TRAPPC4: variants seen among roughly 807,000 people sequenced by gnomAD.
The protein encoded by TRAPPC4 is TRS23 homolog.
TRAPPC4 carries 30 observed loss-of-function variants against 23.5 expected under a neutral mutation model. The observed-to-expected ratio is 1.28, with a 90% confidence interval of 0.96 to 1.73. TRAPPC4 has a LOEUF of 1.73. Among genes scored for constraint, TRAPPC4 ranks in the 40% most tolerant of loss-of-function variants. TRAPPC4 has a pLI of 0.00. For synonymous variants in TRAPPC4, 129 were observed against 105.3 expected, an observed-to-expected ratio of 1.23 and a Z score of -1.38; for missense variants, 252 against 268.9, an observed-to-expected ratio of 0.94 and a Z score of 0.44.
chr11:119,021,595 C>G (rs1411072021), intron 3 of TRAPPC4, 165 bp from the exon 4 acceptor site: 3 of 691,788 alleles, frequency 4.3e-6, no homozygotes, highest in South Asian at 2.0e-5. Flanking sequence ...CTGGTCTCAT[C>G]GGTAGATTCA....
intron 3 of TRAPPC4, chr11:119,021,362 TTAAG>T (rs1473961188): frequency 5.1e-5 from 9 of 175,276 alleles, no homozygotes; most frequent in Non-Finnish European, 1.1e-4. Context: ...TTGGAAGGTG[TTAAG>T]TGTTTTTCCA....
intron 4 of TRAPPC4, 109 bp from the exon 5 acceptor site, chr11:119,023,212 A>AC: frequency 9.9e-7 from 1 of 1,014,590 alleles, no homozygotes; most frequent in Admixed American, 1.8e-5. Flanking sequence ...TGATCCGCCC[A>AC]CCTCAGCCTT....
In TRAPPC4 at chr11:119,021,688, C is replaced by T. The variant is rs980295022; in HGVS notation, c.455-72C>T. The T allele has an allele frequency of 1.6e-5, 24 of 1,540,920 alleles. No individual in the cohort carries two copies. The South Asian group carries it at 2.4e-4, about 15-fold the overall frequency. On this transcript the variant is annotated intron_variant, in intron 3 of 4. Coordinates refer to ENST00000533632, the MANE Select transcript of TRAPPC4 (RefSeq NM_016146.6). Reference sequence around the variant, plus strand: ...AAAGTGTTTTGCAAAATTGAAAGTGCTGTACAAATACAGGATGACACTATT... The same window carrying T: ...AAAGTGTTTTGCAAAATTGAAAGTGTTGTACAAATACAGGATGACACTATT...
chr11:119,018,890 TC>T lies in TRAPPC4; in HGVS notation c.96del (p.Phe32LeufsTer40). The T allele has an allele frequency of 6.2e-7, 1 of 1,614,150 alleles. No individual in the cohort carries two copies. Among genetic ancestry groups the T allele is most frequent in the Non-Finnish European group, 8.5e-7 (1 of 1,180,028 alleles). ...YAPRAEAEKTFSYPLDLLLKL... is the reference protein window; with the variant it reads ...YAPRAEAEKTXSYPLDLLLKL... ...CCACGGGCTGAGGCTGAGAAAACTT[TC>T]AGTTATCCGCTGGATCTGCTGCTCA... On this transcript the variant is annotated frameshift_variant, in exon 1 of 5. Coordinates refer to ENST00000533632, the MANE Select transcript of TRAPPC4 (RefSeq NM_016146.6). LOFTEE classifies it high-confidence loss of function.
intron 1 of TRAPPC4, 58 bp from the exon 2 acceptor site, chr11:119,019,085 T>C (rs954535847): frequency 9.4e-6 from 15 of 1,597,000 alleles, no homozygotes; most frequent in African/African-American, 1.3e-5. Context: ...GGGTCCCTTG[T>C]CCCCTCGGCG....
chr11:119,023,588 A>T lies in TRAPPC4; in HGVS notation c.*189A>T. On this transcript the variant is annotated 3_prime_UTR_variant, in exon 5 of 5. Coordinates refer to ENST00000533632, the MANE Select transcript of TRAPPC4 (RefSeq NM_016146.6). ...TTCCTTCTGTATATACCATGGTCTT[A>T]CTTTCCAACTCTGTACAGATTTATT... 1 of 523,880 alleles carries T rather than the reference A, an allele frequency of 1.9e-6. No homozygotes were observed. Among genetic ancestry groups the T allele is most frequent in the Non-Finnish European group, 3.5e-6 (1 of 287,638 alleles). 32.5% of individuals were successfully genotyped at this position (523,880 alleles called of 1,614,324 possible).
At position 119,023,343 on chromosome 11, in the gene TRAPPC4, C is replaced by G; in HGVS notation, c.604C>G (p.Leu202Val). The G allele has an allele frequency of 1.2e-6, 2 of 1,614,126 alleles. No homozygotes were observed. Among genetic ancestry groups the G allele is most frequent in the Non-Finnish European group, 1.7e-6 (2 of 1,179,998 alleles). ...PIRCELFDQN[L>V]KLALEVAEKA... ...TAGGTGTGAGCTCTTTGACCAGAACCTGAAGCTAGCTCTGGAGGTGGCAGA... is the reference window on the plus strand; with the variant it reads ...TAGGTGTGAGCTCTTTGACCAGAACGTGAAGCTAGCTCTGGAGGTGGCAGA... Residue 202 changes from leucine to valine, a missense_variant, in exon 5 of 5, where the codon CTG becomes GTG. By Grantham distance (32) the Leu-to-Val change is conservative. Around this residue, in one of 3 missense-constraint regions of TRAPPC4, gnomAD observed 21 missense variants for 24.8 expected, o/e 0.85. Transcript: ENST00000533632.
At position 119,023,088 on chromosome 11, in the gene TRAPPC4, C is replaced by G. The variant is rs181044960; in HGVS notation, c.582-233C>G. ...CAGGCGATTCTTTTGTCTCAGCCTC[C>G]GGAGTAGCTGGGATTACAGGCACCT... is the stretch of plus-strand genomic sequence containing the variant. On this transcript the variant is annotated intron_variant, in intron 4 of 4. Transcript: ENST00000533632. 6.5e-4 allele frequency: 228 copies of G among 351,738 alleles called. 1 individual carries two copies. Among genetic ancestry groups the G allele is most frequent in the Middle Eastern group, 2.6e-3 (3 of 1,160 alleles). 21.8% of individuals were successfully genotyped at this position (351,738 alleles called of 1,614,324 possible).
In TRAPPC4 at chr11:119,020,144, AT is replaced by A; in HGVS notation, c.351-5del. 6.2e-7 allele frequency: 1 copy of A among 1,612,678 alleles called. No homozygotes were observed. Among genetic ancestry groups the A allele is most frequent in the African/African-American group, 1.3e-5 (1 of 75,050 alleles). Reference sequence around the variant, plus strand: ...CTTAGAGCAACTTTGCCTCCTTTGCATATAGGCTCTTTGCCATCGGCTCCCA... The same window carrying A: ...CTTAGAGCAACTTTGCCTCCTTTGCAATAGGCTCTTTGCCATCGGCTCCCA... On this transcript the variant is annotated splice_polypyrimidine_tract_variant and splice_region_variant and intron_variant, in intron 2 of 4. Coordinates refer to ENST00000533632, the MANE Select transcript of TRAPPC4 (RefSeq NM_016146.6).
At chr11:119,022,726 C>T (rs1407328679) in intron 4 of TRAPPC4, among the ~76,000 whole-genome samples, 2 of 152,022 alleles carry the variant, frequency 1.3e-5, no homozygotes, top group African/African-American at 4.8e-5. Context: ...CCCATCTCTG[C>T]TAAAAATACT....
At chr11:119,021,507 CTG>C (rs1186307489) in intron 3 of TRAPPC4, 3 of 337,304 alleles carry the variant, frequency 8.9e-6, no homozygotes, top group Non-Finnish European at 1.6e-5. Flanking sequence ...GACTCCAAAA[CTG>C]TTAGTAAGTG....
chr11:119,023,048 T>A, intron 4 of TRAPPC4: 1 of 206,986 alleles, frequency 4.8e-6, no homozygotes, highest in Non-Finnish European at 9.5e-6. Flanking sequence ...CACCACAACC[T>A]CTGCCTTCCG....
At chr11:119,019,114 T>C in intron 1 of TRAPPC4, 29 bp from the exon 2 acceptor site, 1 of 1,606,522 alleles carries the variant, frequency 6.2e-7, no homozygotes, top group Non-Finnish European at 8.5e-7. Flanking sequence ...GGGCTGCACC[T>C]TCGCTGACCG....
At position 119,019,249 on chromosome 11, in the gene TRAPPC4, G is replaced by T; in HGVS notation, c.282G>T (p.Val94=). The stretch of plus-strand genomic sequence containing the variant: ...TGGGTAACCCTGCTAATTACCCGGT[G>T]TCCATTCGATTTGGCCGGCCCCGCC... ...EYLGNPANYP[V]SIRFGRPRLT... Residue 94 remains valine (V), a synonymous_variant, in exon 2 of 5, where the codon GTG becomes GTT. Transcript: ENST00000533632. 6.2e-7 allele frequency: 1 copy of T among 1,614,184 alleles called. No homozygotes were observed. Among genetic ancestry groups the T allele is most frequent in the South Asian group, 1.1e-5 (1 of 91,088 alleles).
rs781950400 is a variant in TRAPPC4 at position 119,019,257 on chromosome 11, G to C, written c.290G>C (p.Arg97Pro). 6.2e-7 allele frequency: 1 copy of C among 1,614,068 alleles called. No homozygotes were observed. The highest frequency in any genetic ancestry group is 8.5e-7 in the Non-Finnish European group (1 of 1,180,044). Residue 97 changes from arginine (R) to proline (P), a missense_variant, in exon 2 of 5, where the codon CGA becomes CCA. This residue lies in a region of TRAPPC4 where 222 missense variants were observed against 217.8 expected (regional missense o/e 1.02). Transcript: ENST00000533632. ...GNPANYPVSI[R>P]FGRPRLTSNE... is the part of the protein sequence containing the mutation. The stretch of plus-strand genomic sequence containing the variant: ...CCTGCTAATTACCCGGTGTCCATTC[G>C]ATTTGGCCGGCCCCGCCTCACTTCT...
rs782481416 is a variant in TRAPPC4, at chr11:119,023,443, C to G, written c.*44C>G. On this transcript the variant is annotated 3_prime_UTR_variant, in exon 5 of 5. Transcript: ENST00000533632. ...CCCCAAATTCTGAGAGTTCCTGCAA[C>G]AAGAATACTGCTGTTGACACTCCAG... 6.4e-7 allele frequency: 1 copy of G among 1,572,194 alleles called. No homozygotes were observed. Among genetic ancestry groups the G allele is most frequent in the Non-Finnish European group, 8.8e-7 (1 of 1,142,034 alleles).
In TRAPPC4 at chr11:119,023,891, CTGT is replaced by C. The variant is rs1454008506; in HGVS notation, c.*494_*496del. 1 of 154,134 alleles carries C rather than the reference CTGT, an allele frequency of 6.5e-6. No homozygotes were observed. The highest frequency in any genetic ancestry group is 1.9e-4 in the East Asian group (1 of 5,282). 9.5% of individuals were successfully genotyped at this position (154,134 alleles called of 1,614,324 possible). On this transcript the variant is annotated 3_prime_UTR_variant, in exon 5 of 5. Coordinates refer to ENST00000533632, the MANE Select transcript of TRAPPC4 (RefSeq NM_016146.6). ...GGGGTGGTGGCAGCAGTGGTGGTGG[CTGT>C]TATGATGATGATGATGATGGAACAT...
rs1491335114 is a variant in TRAPPC4, at chr11:119,024,099, ACT to A, written c.*701_*702del. ...TTTCTGGCTACACACTCAGTAAACC[ACT>A]GTTACACTTCTTCCCTCCATCAAGT... On this transcript the variant is annotated 3_prime_UTR_variant, in exon 5 of 5. Transcript: ENST00000533632. The A allele has an allele frequency of 6.5e-6, 1 of 152,934 alleles. No individual in the cohort carries two copies. Among genetic ancestry groups the A allele is most frequent in the African/African-American group, 2.4e-5 (1 of 41,460 alleles). 9.5% of individuals were successfully genotyped at this position (152,934 alleles called of 1,614,324 possible).
Position 119,023,589 on chromosome 11 carries a change from C to T in TRAPPC4, c.*190C>T, listed in dbSNP as rs562985284. On this transcript the variant is annotated 3_prime_UTR_variant, in exon 5 of 5. Transcript: ENST00000533632. ...TCCTTCTGTATATACCATGGTCTTA[C>T]TTTCCAACTCTGTACAGATTTATTT... 1.9e-5 allele frequency: 10 copies of T among 516,692 alleles called. No homozygotes were observed. Among genetic ancestry groups the T allele is most frequent in the African/African-American group, 1.7e-4 (9 of 52,638 alleles). The allele number at this position is 516,692 out of a possible 1,614,324, so 32.0% of individuals were successfully genotyped here. A position where few individuals can be genotyped will look rare whatever the true frequency, so the allele number is the denominator to read the frequency against.
Sources: gnomAD v4.1 joint callset for allele counts (sites outside exome capture counted in the v4.1 genomes callset) on GRCh38, gnomAD v4.1.1 for gene constraint, gnomAD v4.1.1 regional missense constraint, MANE v1.5 for transcripts, NCBI Gene and HGNC (gene_info 2026-07-23, HGNC 2026-07-21) for gene names.